Variants in PPP1R12B observed in about 807,000 individuals in gnomAD.
PPP1R12B encodes myosin phosphatase target subunit 2.
A neutral mutation model predicts 126.1 loss-of-function variants in PPP1R12B; 76 were observed. The observed-to-expected ratio is 0.60, with a 90% CI of 0.50 to 0.73. The LOEUF is 0.73. Among genes scored for constraint, PPP1R12B ranks in the 30% least tolerant of loss-of-function variants. The pLI, the probability that PPP1R12B is intolerant of heterozygous loss-of-function variation, is 0.00. For missense variants in PPP1R12B, 1,052 were observed against 1,205.1 expected (o/e 0.87, Z 1.88); for synonymous variants, 356 against 434.7 (o/e 0.82, Z 2.25).
intron 1 of PPP1R12B, among the ~76,000 whole-genome samples, chr1:202,353,576 T>C (rs1306031689): frequency 7.2e-6 from 1 of 139,364 alleles, no homozygotes; most frequent in African/African-American, 2.7e-5. Flanking sequence ...TTCTTCCCTA[T>C]TCTTCTTCTT....
Position 202,438,940 on chromosome 1 carries a change from C to T in PPP1R12B, c.1458+916C>T, listed in dbSNP as rs539613270. 185 of 1,532,810 alleles carry T rather than the reference C, an allele frequency of 1.2e-4. 1 individual carries two copies. In the Middle Eastern group the frequency reaches 1.3e-3, roughly 10 times the overall value. 95.0% of individuals were successfully genotyped at this position (1,532,810 alleles called of 1,614,324 possible). Reference sequence around the variant, plus strand: ...GCCTGGAGGTGACCCCGAAGACGGCCGTGGACTGGCCTGACCTGGAGATGC... The same window carrying T: ...GCCTGGAGGTGACCCCGAAGACGGCTGTGGACTGGCCTGACCTGGAGATGC... On this transcript the variant is annotated intron_variant, in intron 10 of 23. Transcript: ENST00000608999.
At chr1:202,579,237 A>T (rs542201907) in intron 23 of PPP1R12B, among the ~76,000 whole-genome samples, 1 of 152,372 alleles carries the variant, frequency 6.6e-6, no homozygotes, top group African/African-American at 2.4e-5. Context: ...GAAACAGATT[A>T]TATTCCTTAA....
intron 1 of PPP1R12B, among the ~76,000 whole-genome samples, chr1:202,368,765 C>G (rs372225126): frequency 6.6e-6 from 1 of 152,038 alleles, no homozygotes; most frequent in African/African-American, 2.4e-5. Context: ...TGGGGTCTTA[C>G]TGTGTCACAC....
At chr1:202,349,653 A>G (rs567644554) in intron 1 of PPP1R12B, among the ~76,000 whole-genome samples, 41 of 152,130 alleles carry the variant, frequency 2.7e-4, no homozygotes, top group Non-Finnish European at 5.7e-4. Flanking sequence ...AGTACTTCAA[A>G]ACAGTTTGTG....
rs55746561 is a variant in PPP1R12B, at chr1:202,554,766, C to A, written c.2491-4111C>A. 4.8e-3 allele frequency among the ~76,000 whole-genome samples: 727 copies of A among 151,686 alleles called. 2 individuals carry two copies. Among genetic ancestry groups the A allele is most frequent in the African/African-American group, 0.017 (696 of 41,344 alleles). On this transcript the variant is annotated intron_variant, in intron 18 of 23. Transcript: ENST00000608999. The stretch of plus-strand genomic sequence containing the variant: ...TTGTTAACAAGGAATGTTAACAAGC[C>A]TTTAAAAGCTAATAAACAACAGACT...
At chr1:202,445,032 G>A in intron 12 of PPP1R12B, 2 of 1,247,174 alleles carry the variant, frequency 1.6e-6, no homozygotes, top group Non-Finnish European at 2.0e-6. Context: ...AAGTGACTGT[G>A]TGCTGTTTTG....
rs187565518 is a variant in PPP1R12B at position 202,489,714 on chromosome 1, G to T, written c.1941+1091G>T. On this transcript the variant is annotated intron_variant, in intron 14 of 23. Coordinates refer to ENST00000608999, the MANE Select transcript of PPP1R12B (RefSeq NM_002481.4). ...AGGGCTGGGGGGAAGGCAGAATGGT[G>T]AGTATGTGGTTTCTTTTTGGGGTGA... Among the ~76,000 whole-genome samples the T allele has an allele frequency of 2.6e-5, 4 of 152,330 alleles. No homozygotes were observed. In the East Asian group the frequency reaches 7.7e-4, roughly 29 times the overall value.
At chr1:202,440,845 G>C in intron 11 of PPP1R12B, 57 bp downstream of exon 11, 1 of 1,400,112 alleles carries the variant, frequency 7.1e-7, no homozygotes, top group Non-Finnish European at 1.0e-6. Context: ...ACTGGACATA[G>C]TCATCTCCTG....
At chr1:202,537,115 G>A (rs908860664) in intron 18 of PPP1R12B, among the ~76,000 whole-genome samples, 5 of 152,232 alleles carry the variant, frequency 3.3e-5, no homozygotes, top group Admixed American at 6.5e-5. Context: ...TTGGGAGGCT[G>A]AGACGGGCCG....
In PPP1R12B at chr1:202,493,286, A is replaced by G; in HGVS notation, c.2114A>G (p.Gln705Arg). The G allele has an allele frequency of 2.5e-6, 4 of 1,612,616 alleles. No homozygotes were observed. The highest frequency in any genetic ancestry group is 1.3e-5 in the African/African-American group (1 of 75,014). Reference protein sequence around the residue: ...AVPATEAGEGQQPWGRSLDEE... With the variant: ...AVPATEAGEGRQPWGRSLDEE... ...CCAGCAACAGAAGCTGGGGAGGGCC[A>G]GCAGCCCTGGGGCAGGAGTCTGGAT... Residue 705 changes from glutamine to arginine, a missense_variant, in exon 15 of 24, where the codon CAG (glutamine) becomes CGG (arginine). Transcript: ENST00000608999.
At chr1:202,374,805 A>G (rs887011772) in intron 1 of PPP1R12B, among the ~76,000 whole-genome samples, 2 of 151,814 alleles carry the variant, frequency 1.3e-5, no homozygotes, top group Non-Finnish European at 2.9e-5. Context: ...CCGCCTCCCA[A>G]AGTGCTAGGA....
chr1:202,441,220 T>G (rs1473791699), intron 11 of PPP1R12B, among the ~76,000 whole-genome samples: 1 of 152,220 alleles, frequency 6.6e-6, no homozygotes, highest in Admixed American at 6.5e-5. Context: ...CCTAATTAGT[T>G]AAAATAAATA....
chr1:202,436,000 C>G (rs1321159553), intron 9 of PPP1R12B, among the ~76,000 whole-genome samples: 4 of 152,136 alleles, frequency 2.6e-5, no homozygotes, highest in African/African-American at 9.7e-5. Context: ...TGGCTCACAC[C>G]TATAATCTCA....
At chr1:202,475,355 T>C (rs1406959320) in intron 13 of PPP1R12B, among the ~76,000 whole-genome samples, 1 of 152,230 alleles carries the variant, frequency 6.6e-6, no homozygotes, top group East Asian at 1.9e-4. Context: ...TCTAGAAATG[T>C]AAAAATCATA....
At chr1:202,424,155 A>C (rs1290361657) in intron 3 of PPP1R12B, among the ~76,000 whole-genome samples, 4 of 152,196 alleles carry the variant, frequency 2.6e-5, no homozygotes, top group Non-Finnish European at 4.4e-5. Flanking sequence ...TGACTCTTCA[A>C]TGAGGGAACA....
intron 12 of PPP1R12B, 90 bp downstream of exon 12, chr1:202,442,662 C>T (rs1671780833): frequency 9.7e-6 from 13 of 1,334,198 alleles, no homozygotes; most frequent in African/African-American, 1.5e-5. Context: ...GTCCAATTAA[C>T]ACCGCAGAAA....
Position 202,558,297 on chromosome 1 carries a change from C to CT in PPP1R12B, c.2491-567dup, listed in dbSNP as rs753434842. Among the ~76,000 whole-genome samples, 1,152 of 145,538 alleles carry CT rather than the reference C, an allele frequency of 7.9e-3. 12 individuals carry two copies. Among genetic ancestry groups the CT allele is most frequent in the African/African-American group, 0.025 (1,006 of 40,000 alleles). ...TTCTTTTGAGACCTCAGAGTACCTA[C>CT]TTTTTTTTTTTTTCTAACCAGCATC... On this transcript the variant is annotated intron_variant, in intron 18 of 23. Transcript: ENST00000608999.
intron 1 of PPP1R12B, among the ~76,000 whole-genome samples, chr1:202,406,909 A>G (rs1400702081): frequency 6.6e-6 from 1 of 152,158 alleles, no homozygotes; most frequent in Non-Finnish European, 1.5e-5. Context: ...CATACTTGGG[A>G]TTTTTATCAC....
chr1:202,386,565 T>C (rs1016030874), intron 1 of PPP1R12B, among the ~76,000 whole-genome samples: 1 of 151,452 alleles, frequency 6.6e-6, no homozygotes, highest in African/African-American at 2.4e-5. Context: ...GTGATCCACC[T>C]GCCTCGGCCT....
Sources: allele counts gnomAD v4.1 joint callset (sites outside exome capture counted in the v4.1 genomes callset), GRCh38; gene constraint gnomAD v4.1.1; transcripts MANE v1.5; gene names NCBI Gene and HGNC (gene_info 2026-07-23, HGNC 2026-07-21).